The following MAP7D1 variants were observed in gnomAD, a reference collection of about 807,000 sequenced individuals.
The protein encoded by MAP7D1 is MAP7 domain containing 1.
In MAP7D1, 30 loss-of-function variants were observed where a neutral mutation model predicts 97.5. The observed-to-expected ratio is 0.31, with a 90% CI of 0.23 to 0.42. MAP7D1 has a LOEUF of 0.42. MAP7D1 is among the 10% of genes least tolerant of loss of function. The pLI is 1.00. For synonymous variants in MAP7D1, 536 were observed against 477.1 expected (o/e 1.12, Z -1.61); for missense variants, 1,184 against 1,179.5 (o/e 1.00, Z -0.06).
At chr1:36,173,987 G>A (rs914268418) in intron 5 of MAP7D1, among the ~76,000 whole-genome samples, 3 of 152,140 alleles carry the variant, frequency 2.0e-5, no homozygotes, top group East Asian at 1.9e-4. Flanking sequence ...TCCTGGACCC[G>A]TGCATTGTGT....
At position 36,178,142 on chromosome 1, in the gene MAP7D1, C is replaced by T. The variant is rs959471577; in HGVS notation, c.1649C>T (p.Ala550Val). 3.9e-5 allele frequency: 61 copies of T among 1,580,466 alleles called. No homozygotes were observed. The highest frequency in any genetic ancestry group is 2.1e-4 in the Middle Eastern group (1 of 4,800). ...AAPASPAPSP[A>V]PSPTPAPPQK... ...CCAGCCTCACCGGCACCTTCGCCGG[C>T]GCCCTCGCCCACCCCAGCCCCGCCC... Residue 550 changes from alanine to valine, a missense_variant, in exon 9 of 17, where the codon GCG becomes GTG. By Grantham distance (64) the Ala-to-Val change is moderately conservative. Transcript: ENST00000474796.
chr1:36,161,881 G>GTGTA (rs879715232), intron 1 of MAP7D1, among the ~76,000 whole-genome samples: 68 of 133,972 alleles, frequency 5.1e-4, no homozygotes, highest in Admixed American at 2.3e-3. Context: ...GTGTGTATGT[G>GTGTA]TGTGTGTGTG....
Position 36,159,017 on chromosome 1 carries a change from A to G in MAP7D1, c.46+2554A>G, listed in dbSNP as rs1433836582. On this transcript the variant is annotated intron_variant, in intron 1 of 16. Coordinates refer to ENST00000474796, the MANE Select transcript of MAP7D1 (RefSeq NM_001388490.1). The surrounding 1 kb of genome is among the most constrained non-coding windows in gnomAD (Gnocchi z 5.4). The stretch of plus-strand genomic sequence containing the variant: ...AGGCCCTGGCACATAGCCAGTGCCC[A>G]ATAAGTGCTAGCCATTTGTTATTTA... Among the ~76,000 whole-genome samples, 1 of 151,676 alleles carries G rather than the reference A, an allele frequency of 6.6e-6. No individual in the cohort carries two copies. Among genetic ancestry groups the G allele is most frequent in the Admixed American group, 6.6e-5 (1 of 15,174 alleles).
At position 36,178,086 on chromosome 1, in the gene MAP7D1, C is replaced by T. The variant is rs557669178; in HGVS notation, c.1593C>T (p.Arg531=). ...CCGAGGACAAGAGCCAGAGCAAGCGCAGGGCCAGTAACGAGAAGGAGTCAG... is the reference window on the plus strand; with the variant it reads ...CCGAGGACAAGAGCCAGAGCAAGCGTAGGGCCAGTAACGAGAAGGAGTCAG... The part of the protein sequence containing the change: ...AGPEDKSQSK[R]RASNEKESAA... The change falls in exon 9 of 17, where the codon CGC becomes CGT. Residue 531 remains arginine (R), a synonymous_variant. Coordinates refer to ENST00000474796, the MANE Select transcript of MAP7D1 (RefSeq NM_001388490.1). The T allele has an allele frequency of 2.5e-6, 4 of 1,607,010 alleles. No homozygotes were observed. The Admixed American group carries it at 6.8e-5, about 27-fold the overall frequency.
At chr1:36,175,776 G>A (rs1644608885) in intron 6 of MAP7D1, among the ~76,000 whole-genome samples, 2 of 152,178 alleles carry the variant, frequency 1.3e-5, no homozygotes, top group Non-Finnish European at 2.9e-5. Flanking sequence ...CTGGGTCAGA[G>A]GAGCACAAGG....
At chr1:36,179,351 G>T (rs1379018457) in intron 13 of MAP7D1, 36 bp downstream of exon 13, 3 of 1,612,430 alleles carry the variant, frequency 1.9e-6, no homozygotes, top group Non-Finnish European at 2.5e-6. Flanking sequence ...CTGGGCGTGG[G>T]GGGCAGGGTG....
chr1:36,156,443 TG>T lies in MAP7D1; in HGVS notation c.31del (p.Ala11ArgfsTer45), dbSNP rs1463804916. 1.4e-6 allele frequency: 2 copies of T among 1,474,030 alleles called. No homozygotes were observed. 91.3% of individuals were successfully genotyped at this position (1,474,030 alleles called of 1,614,324 possible). A position where few individuals can be genotyped will look rare whatever the true frequency, so the allele number is the denominator to read the frequency against. On this transcript the variant is annotated frameshift_variant, in exon 1 of 17. Transcript: ENST00000474796. LOFTEE classifies it high-confidence loss of function. Reference sequence around the variant, plus strand: ...ATGGAGAGCGGCCCGCGTGCGGAGCTGGGGGCGGGCGCACCCCCAGGTATGC... The same window carrying T: ...ATGGAGAGCGGCCCGCGTGCGGAGCTGGGGCGGGCGCACCCCCAGGTATGC... MESGPRAE[L>X]GAGAPPAVVA...
At chr1:36,166,335 C>T (rs1256982840) in intron 1 of MAP7D1, among the ~76,000 whole-genome samples, 2 of 151,838 alleles carry the variant, frequency 1.3e-5, no homozygotes, top group Non-Finnish European at 2.9e-5. Flanking sequence ...CTTTTTCTTC[C>T]CCTCAAATGA....
chr1:36,157,458 C>A (rs1644352172), intron 1 of MAP7D1, among the ~76,000 whole-genome samples: 1 of 152,210 alleles, frequency 6.6e-6, no homozygotes, highest in Non-Finnish European at 1.5e-5. Flanking sequence ...CTCAGGACTT[C>A]TGCAAATCCC....
intron 13 of MAP7D1, 30 bp from the exon 14 acceptor site, chr1:36,179,485 G>A (rs1335513095): frequency 6.3e-7 from 1 of 1,579,236 alleles, no homozygotes; most frequent in Non-Finnish European, 8.6e-7. Flanking sequence ...GCTGTCCCTT[G>A]AGCCTGACTG....
At chr1:36,174,103 C>T (rs2124236452) in intron 5 of MAP7D1, among the ~76,000 whole-genome samples, 1 of 152,298 alleles carries the variant, frequency 6.6e-6, no homozygotes, top group African/African-American at 2.4e-5. Context: ...GCAGCGTAAC[C>T]TTTAACTTCT....
At chr1:36,179,159 T>C in intron 12 of MAP7D1, 103 bp from the exon 13 acceptor site, 1 of 1,500,984 alleles carries the variant, frequency 6.7e-7, no homozygotes, top group Non-Finnish European at 9.2e-7. Flanking sequence ...AGAGGGCTGC[T>C]ATGAGCTGGG....
intron 15 of MAP7D1, 33 bp downstream of exon 15, chr1:36,179,789 G>A: frequency 6.4e-7 from 1 of 1,553,178 alleles, no homozygotes; most frequent in Non-Finnish European, 8.7e-7. Context: ...TCCCTGAGCA[G>A]GGAGGCAGAC....
chr1:36,156,229 C>T lies in MAP7D1; in HGVS notation c.-189C>T, dbSNP rs561576730. The T allele has an allele frequency of 3.2e-3, 1,416 of 446,064 alleles. 17 individuals are homozygous for T. The highest frequency in any genetic ancestry group is 0.026 in the African/African-American group (1,282 of 48,448). The allele number at this position is 446,064 out of a possible 1,614,324, so 27.6% of individuals were successfully genotyped here. Reference sequence around the variant, plus strand: ...GTTCGCGACCGCAGCCGAGAGACCCCGGGCGACCGGCACCTCCGAGACTCG... The same window carrying T: ...GTTCGCGACCGCAGCCGAGAGACCCTGGGCGACCGGCACCTCCGAGACTCG... On this transcript the variant is annotated 5_prime_UTR_variant, in exon 1 of 17. Coordinates refer to ENST00000474796, the MANE Select transcript of MAP7D1 (RefSeq NM_001388490.1).
In MAP7D1 at chr1:36,179,614, C is replaced by T. The variant is rs1428676189; in HGVS notation, c.2228-52C>T. ...CTTTGCCATCCTCCTCCTCCTCCAT[C>T]CTCACCTCTCTTGCCAGCCCCTGGC... is the stretch of plus-strand genomic sequence containing the variant. On this transcript the variant is annotated intron_variant, in intron 14 of 16. Coordinates refer to ENST00000474796, the MANE Select transcript of MAP7D1 (RefSeq NM_001388490.1). 7 of 1,550,996 alleles carry T rather than the reference C, an allele frequency of 4.5e-6. No individual in the cohort carries two copies. In the African/African-American group the frequency reaches 8.2e-5, roughly 18 times the overall value.
chr1:36,171,118 C>T lies in MAP7D1; in HGVS notation c.194C>T (p.Pro65Leu). Residue 65 changes from proline (P) to leucine (L), a missense_variant, in exon 2 of 17, where the codon CCA becomes CTA. Pro to Leu is a moderately conservative substitution (Grantham distance 98). Transcript: ENST00000474796. Reference sequence around the variant, plus strand: ...AATGCCACTAGCTCTAAGCAGCTCCCACTGGAACCAGAGAGCCCCTCAGGG... The same window carrying T: ...AATGCCACTAGCTCTAAGCAGCTCCTACTGGAACCAGAGAGCCCCTCAGGG... ...MKNATSSKQL[P>L]LEPESPSGQV... is the part of the protein sequence containing the mutation. 1.9e-6 allele frequency: 3 copies of T among 1,614,008 alleles called. No individual in the cohort carries two copies. The highest frequency in any genetic ancestry group is 2.5e-6 in the Non-Finnish European group (3 of 1,179,932).
At chr1:36,164,543 C>T (rs1169776648) in intron 1 of MAP7D1, among the ~76,000 whole-genome samples, 1 of 152,110 alleles carries the variant, frequency 6.6e-6, no homozygotes, top group Non-Finnish European at 1.5e-5. Context: ...TGCAAAGGCC[C>T]TGTGGCAGGA....
Position 36,175,133 on chromosome 1 carries a change from C to G in MAP7D1, c.850+125C>G, listed in dbSNP as rs536364083. 7 of 675,216 alleles carry G rather than the reference C, an allele frequency of 1.0e-5. No homozygotes were observed. In the Admixed American group the frequency reaches 1.4e-4, roughly 13 times the overall value. The allele number at this position is 675,216 out of a possible 1,614,324, so 41.8% of individuals were successfully genotyped here. A position where few individuals can be genotyped will look rare whatever the true frequency, so the allele number is the denominator to read the frequency against. ...CATACTCCAGGTCCCCATCCCCACT[C>G]TACCTTACCCAGGGCTCTGTGCCCC... On this transcript the variant is annotated intron_variant, in intron 6 of 16. Coordinates refer to ENST00000474796, the MANE Select transcript of MAP7D1 (RefSeq NM_001388490.1).
intron 1 of MAP7D1, among the ~76,000 whole-genome samples, chr1:36,160,221 T>C (rs1644389149): frequency 6.6e-6 from 1 of 152,214 alleles, no homozygotes; most frequent in African/African-American, 2.4e-5. Flanking sequence ...CTTTGTTGGC[T>C]GGTGGTATCT....
Sources: allele counts gnomAD v4.1 joint callset (sites outside exome capture counted in the v4.1 genomes callset), GRCh38; gene constraint gnomAD v4.1.1; non-coding constraint Gnocchi (gnomAD v3.1); transcripts MANE v1.5; gene names NCBI Gene and HGNC (gene_info 2026-07-23, HGNC 2026-07-21).